The following OPCML variants were observed in gnomAD, a reference collection of about 807,000 sequenced individuals.
OPCML encodes opioid-binding protein/cell adhesion molecule.
A neutral mutation model predicts 37.8 loss-of-function variants in OPCML; 13 were observed. The ratio of observed to expected loss-of-function variants is 0.34; its 90% confidence interval spans 0.22 to 0.55. The LOEUF (loss-of-function observed/expected upper bound fraction) is 0.55. Among genes scored for constraint, OPCML ranks in the 20% least tolerant of loss-of-function variants. The probability of loss-of-function intolerance (pLI) is 0.91; values close to 1 mark genes in which losing one functional copy is unlikely to be tolerated. For synonymous variants in OPCML, 176 were observed against 168.8 expected (o/e 1.04, Z -0.33); for missense variants, 341 against 435.6 (o/e 0.78, Z 1.93).
At chr11:132,699,916 T>A (rs1051252262) in intron 2 of OPCML, among the ~76,000 whole-genome samples, 2 of 152,100 alleles carry the variant, frequency 1.3e-5, no homozygotes, top group Non-Finnish European at 2.9e-5. Context: ...AATTTGAGGA[T>A]TGACATTAAT....
intron 3 of OPCML, among the ~76,000 whole-genome samples, chr11:132,634,876 C>T (rs188094262): frequency 3.3e-5 from 5 of 151,648 alleles, no homozygotes; most frequent in African/African-American, 9.7e-5. Context: ...TTAACTGGGC[C>T]GATACACTCA....
intron 2 of OPCML, among the ~76,000 whole-genome samples, chr11:132,839,204 A>G (rs935244126): frequency 6.6e-6 from 1 of 152,168 alleles, no homozygotes; most frequent in Non-Finnish European, 1.5e-5. Context: ...AAAAAAACAG[A>G]CCTAGCAGAG....
chr11:133,442,031 C>T (rs1023162538), intron 1 of OPCML, among the ~76,000 whole-genome samples: 2 of 152,172 alleles, frequency 1.3e-5, no homozygotes, highest in Non-Finnish European at 2.9e-5. Context: ...TGGCCAGCCA[C>T]TGTTTTAGGG....
At chr11:133,274,969 A>G (rs1941952032) in intron 1 of OPCML, among the ~76,000 whole-genome samples, 2 of 152,146 alleles carry the variant, frequency 1.3e-5, no homozygotes, top group Admixed American at 1.3e-4. Flanking sequence ...TTGTCTTTTA[A>G]GTGGATGTCT....
chr11:132,901,280 T>C (rs550073821), intron 2 of OPCML, among the ~76,000 whole-genome samples: 16 of 152,292 alleles, frequency 1.1e-4, no homozygotes, highest in Non-Finnish European at 7.4e-5. Flanking sequence ...GTGCCTCACA[T>C]CCAGGACAAG....
At chr11:132,914,938 G>A (rs767059266) in intron 2 of OPCML, among the ~76,000 whole-genome samples, 2 of 152,220 alleles carry the variant, frequency 1.3e-5, no homozygotes, top group Non-Finnish European at 2.9e-5. Context: ...TGAGACAAAT[G>A]CTATAAGTTA....
In OPCML at chr11:132,830,845, C is replaced by G. The variant is rs546766743; in HGVS notation, c.146+112081G>C. Among the ~76,000 whole-genome samples the G allele has an allele frequency of 4.6e-5, 7 of 152,246 alleles. No homozygotes were observed. In the South Asian group the frequency reaches 1.4e-3, roughly 32 times the overall value. ...AGGGGAAATATGTTTTAATATAAAACTACAAGGGAATGCATCTCTTTTCCC... is the reference window on the plus strand; with the variant it reads ...AGGGGAAATATGTTTTAATATAAAAGTACAAGGGAATGCATCTCTTTTCCC... On this transcript the variant is annotated intron_variant, in intron 2 of 7. Coordinates refer to ENST00000524381, the MANE Select transcript of OPCML (RefSeq NM_001012393.5).
At chr11:133,049,637 C>T (rs1435544952) in intron 1 of OPCML, among the ~76,000 whole-genome samples, 8 of 152,204 alleles carry the variant, frequency 5.3e-5, no homozygotes, top group Non-Finnish European at 1.2e-4. Flanking sequence ...GTGCTAATAT[C>T]AATGACATGA....
At chr11:132,891,129 T>C (rs1331893877) in intron 2 of OPCML, among the ~76,000 whole-genome samples, 1 of 152,192 alleles carries the variant, frequency 6.6e-6, no homozygotes, top group Non-Finnish European at 1.5e-5. Flanking sequence ...GGTAAGGTAG[T>C]TCTAGGTGAT....
In OPCML at chr11:132,417,348, C is replaced by G. The variant is rs1169424891; in HGVS notation, c.*2845G>C. 6.6e-6 allele frequency: 1 copy of G among 152,240 alleles called. No homozygotes were observed. The highest frequency in any genetic ancestry group is 2.4e-5 in the African/African-American group (1 of 41,458). 9.4% of individuals were successfully genotyped at this position (152,240 alleles called of 1,614,324 possible). Reference sequence around the variant, plus strand: ...ATGTCTGTTGTGAAGAAGTCATTTTCACTCCCAGTGAGTACCCCAGTTGCC... The same window carrying G: ...ATGTCTGTTGTGAAGAAGTCATTTTGACTCCCAGTGAGTACCCCAGTTGCC... On this transcript the variant is annotated 3_prime_UTR_variant, in exon 8 of 8. Coordinates refer to ENST00000524381, the MANE Select transcript of OPCML (RefSeq NM_001012393.5).
intron 1 of OPCML, among the ~76,000 whole-genome samples, chr11:133,431,111 A>G (rs955955358): frequency 6.6e-6 from 1 of 152,260 alleles, no homozygotes; most frequent in Non-Finnish European, 1.5e-5. Flanking sequence ...TTGCAAAATA[A>G]GAATAATAAC....
At chr11:132,917,061 C>A (rs1458387951) in intron 2 of OPCML, among the ~76,000 whole-genome samples, 1 of 152,176 alleles carries the variant, frequency 6.6e-6, no homozygotes, top group Non-Finnish European at 1.5e-5. Flanking sequence ...AGTGACCAAG[C>A]CCAAGCTACC....
Position 133,531,958 on chromosome 11 carries a change from G to A in OPCML, c.61+306C>T, listed in dbSNP as rs143537090. Among the ~76,000 whole-genome samples the A allele has an allele frequency of 2.3e-3, 351 of 152,268 alleles. 1 individual carries two copies. Among genetic ancestry groups the A allele is most frequent in the African/African-American group, 8.1e-3 (336 of 41,546 alleles). On this transcript the variant is annotated intron_variant, in intron 1 of 7. Coordinates refer to ENST00000524381, the MANE Select transcript of OPCML (RefSeq NM_001012393.5). The stretch of plus-strand genomic sequence containing the variant: ...TTCTCCTACCCCCAGGACCACAGCT[G>A]GTTAATGCCAGTTGGTGACTTTCAC...
chr11:133,520,197 G>A (rs1948369808), intron 1 of OPCML, among the ~76,000 whole-genome samples: 1 of 152,192 alleles, frequency 6.6e-6, no homozygotes, highest in East Asian at 1.9e-4. Context: ...CCAGAAGACA[G>A]CCTGGTAACA....
In OPCML at chr11:133,056,272, T is replaced by C. The variant is rs144044744; in HGVS notation, c.62-113262A>G. Among the ~76,000 whole-genome samples the C allele has an allele frequency of 2.0e-5, 3 of 152,206 alleles. No homozygotes were observed. The South Asian group carries it at 6.2e-4, about 32-fold the overall frequency. ...AATTGATTGTAATTTCATAAACTAC[T>C]GTGTGGCCCTAAAAGGAAAAATGAG... On this transcript the variant is annotated intron_variant, in intron 1 of 7. Coordinates refer to ENST00000524381, the MANE Select transcript of OPCML (RefSeq NM_001012393.5).
chr11:132,874,359 A>C (rs937108846), intron 2 of OPCML, among the ~76,000 whole-genome samples: 7 of 152,120 alleles, frequency 4.6e-5, no homozygotes, highest in African/African-American at 1.7e-4. Context: ...CATTGAAATG[A>C]TCCAAAGGAG....
At chr11:133,361,495 C>A (rs553616827) in intron 1 of OPCML, 35 of 153,808 alleles carry the variant, frequency 2.3e-4, no homozygotes, top group African/African-American at 7.7e-4. Flanking sequence ...GGAGGAAGAG[C>A]AAGCGGTTCG....
intron 3 of OPCML, among the ~76,000 whole-genome samples, chr11:132,547,361 A>C (rs6590644): frequency 0.46 from 68,994 of 151,562 alleles, 15,917 homozygotes; most frequent in East Asian, 0.64. Context: ...TGGGCGAATC[A>C]AGAGTAAATG....
chr11:133,304,403 T>G (rs1942859399), intron 1 of OPCML, among the ~76,000 whole-genome samples: 1 of 152,198 alleles, frequency 6.6e-6, no homozygotes, highest in Non-Finnish European at 1.5e-5. Context: ...CAGCAGACAC[T>G]ATGCTAAGCA....
Sources: allele counts gnomAD v4.1 joint callset (sites outside exome capture counted in the v4.1 genomes callset), GRCh38; gene constraint gnomAD v4.1.1; transcripts MANE v1.5; gene names NCBI Gene and HGNC (gene_info 2026-07-23, HGNC 2026-07-21).